GNB1: variants seen among roughly 807,000 people sequenced by gnomAD.
GNB1 encodes the protein guanine nucleotide-binding protein G(I)/G(S)/G(T) subunit beta-1.
In GNB1, 2 loss-of-function variants were observed where a neutral mutation model predicts 42.9. The ratio of observed to expected loss-of-function variants is 0.05; its 90% CI spans 0.02 to 0.15. The LOEUF (loss-of-function observed/expected upper bound fraction) is 0.15. Among genes scored for constraint, GNB1 ranks in the 10% least tolerant of loss-of-function variants. The probability of loss-of-function intolerance (pLI) is 1.00; values close to 1 mark genes in which losing one functional copy is unlikely to be tolerated. For missense variants in GNB1, 193 were observed against 462.2 expected (o/e 0.42, Z 5.34); for synonymous variants, 183 against 174.7 (o/e 1.05, Z -0.38).
intron 1 of GNB1, among the ~76,000 whole-genome samples, chr1:1,878,257 T>G (rs144893925): frequency 6.6e-6 from 1 of 152,170 alleles, no homozygotes; most frequent in African/African-American, 2.4e-5. Context: ...AAAACGCAAG[T>G]GCACCAACTG....
At chr1:1,812,928 CCCAGT>C (rs1300684883) in intron 5 of GNB1, among the ~76,000 whole-genome samples, 1 of 149,672 alleles carries the variant, frequency 6.7e-6, no homozygotes, top group Non-Finnish European at 1.5e-5. Flanking sequence ...TTCCAGACTA[CCCAGT>C]CCAGAGCCCA....
At chr1:1,805,546 A>C (rs897177304) in intron 6 of GNB1, among the ~76,000 whole-genome samples, 1 of 151,926 alleles carries the variant, frequency 6.6e-6, no homozygotes, top group Non-Finnish European at 1.5e-5. Context: ...GAAAACAAAA[A>C]ATTTTTTTTT....
chr1:1,878,830 G>A (rs1375419274), intron 1 of GNB1, among the ~76,000 whole-genome samples: 1 of 151,978 alleles, frequency 6.6e-6, no homozygotes, highest in East Asian at 1.9e-4. Flanking sequence ...TTCTCTCTCC[G>A]ACTACTTTCC....
intron 5 of GNB1, among the ~76,000 whole-genome samples, chr1:1,809,658 G>A (rs1168032337): frequency 1.3e-5 from 2 of 152,070 alleles, no homozygotes; most frequent in South Asian, 2.1e-4. Flanking sequence ...GAGGTCTCCC[G>A]GTCAGAGAGC....
At chr1:1,845,390 A>G (rs947171970) in intron 1 of GNB1, among the ~76,000 whole-genome samples, 2 of 152,018 alleles carry the variant, frequency 1.3e-5, no homozygotes, top group Non-Finnish European at 2.9e-5. Context: ...TAGCTAACTC[A>G]GTGAAACCCC....
At chr1:1,890,538 G>C (rs1276858438) in intron 1 of GNB1, 1 of 148,482 alleles carries the variant, frequency 6.7e-6, no homozygotes, top group Non-Finnish European at 1.5e-5. Context: ...GGAAGCGCCC[G>C]CGGCGCACAC....
At chr1:1,845,886 C>G (rs1471847271) in intron 1 of GNB1, among the ~76,000 whole-genome samples, 1 of 150,106 alleles carries the variant, frequency 6.7e-6, no homozygotes, top group Non-Finnish European at 1.5e-5. Context: ...TATCTCCTAT[C>G]TCTTGTCAAC....
intron 5 of GNB1, 124 bp downstream of exon 5, chr1:1,815,632 T>G: frequency 3.2e-6 from 2 of 622,192 alleles, no homozygotes; most frequent in Non-Finnish European, 5.8e-6. Flanking sequence ...TGCCCAGAGT[T>G]CTGATTCAAC....
chr1:1,829,539 G>A (rs575016582), intron 2 of GNB1, among the ~76,000 whole-genome samples: 17 of 152,126 alleles, frequency 1.1e-4, no homozygotes, highest in Non-Finnish European at 2.2e-4. Flanking sequence ...ATTCCCCATG[G>A]GCTGCAAGGG....
intron 1 of GNB1, among the ~76,000 whole-genome samples, chr1:1,881,446 C>T (rs1230866957): frequency 6.6e-6 from 1 of 150,958 alleles, no homozygotes; most frequent in Non-Finnish European, 1.5e-5. Context: ...TTGAGTCTCA[C>T]ACTGTCACCC....
intron 1 of GNB1, among the ~76,000 whole-genome samples, chr1:1,853,706 T>C (rs1648111144): frequency 6.6e-6 from 1 of 152,174 alleles, no homozygotes; most frequent in African/African-American, 2.4e-5. Flanking sequence ...ATAGAAACTA[T>C]GTCTTCAGGC....
intron 5 of GNB1, among the ~76,000 whole-genome samples, chr1:1,809,705 G>C (rs562116642): frequency 1.3e-5 from 2 of 152,122 alleles, no homozygotes; most frequent in African/African-American, 2.4e-5. Flanking sequence ...TTAGGGACAC[G>C]TAAGCTGTCC....
intron 1 of GNB1, among the ~76,000 whole-genome samples, chr1:1,869,392 A>C (rs1015263997): frequency 2.0e-5 from 3 of 152,078 alleles, no homozygotes; most frequent in African/African-American, 7.2e-5. Flanking sequence ...CTAACCATTC[A>C]TGCCCAAGAG....
chr1:1,855,462 G>A (rs938877267), intron 1 of GNB1, among the ~76,000 whole-genome samples: 8 of 152,198 alleles, frequency 5.3e-5, no homozygotes, highest in Non-Finnish European at 1.0e-4. Flanking sequence ...AGCACTTTGG[G>A]AGGCCGAGGC....
At chr1:1,821,996 G>A (rs943618381) in intron 3 of GNB1, among the ~76,000 whole-genome samples, 14 of 152,078 alleles carry the variant, frequency 9.2e-5, no homozygotes, top group African/African-American at 3.4e-4. Context: ...CCAGCCAGGT[G>A]TGGCAGCATG....
intron 7 of GNB1, among the ~76,000 whole-genome samples, chr1:1,797,636 C>T (rs1201106473): frequency 6.6e-6 from 1 of 152,208 alleles, no homozygotes; most frequent in African/African-American, 2.4e-5. Flanking sequence ...TGGGGTTTTG[C>T]CATGTTGGCA....
chr1:1,845,428 C>T (rs188343428), intron 1 of GNB1, among the ~76,000 whole-genome samples: 11 of 152,154 alleles, frequency 7.2e-5, no homozygotes, highest in African/African-American at 2.4e-4. Flanking sequence ...AAAAAATTAG[C>T]CAGGTGGGAT....
chr1:1,883,139 G>C (rs909022414), intron 1 of GNB1, among the ~76,000 whole-genome samples: 1 of 151,822 alleles, frequency 6.6e-6, no homozygotes, highest in Non-Finnish European at 1.5e-5. Flanking sequence ...GGGCACGGTG[G>C]CATGTGCCCG....
intron 1 of GNB1, among the ~76,000 whole-genome samples, chr1:1,874,791 CAAA>C (rs1223843039): frequency 3.5e-5 from 5 of 141,268 alleles, no homozygotes; most frequent in Admixed American, 2.2e-4. Flanking sequence ...CACCCTGTCT[CAAA>C]AAAAAAAGAC....
Sources: gnomAD v4.1 joint callset for allele counts (sites outside exome capture counted in the v4.1 genomes callset) on GRCh38, gnomAD v4.1.1 for gene constraint, MANE v1.5 for transcripts, NCBI Gene and HGNC (gene_info 2026-07-23, HGNC 2026-07-21) for gene names.